FOCAD: variants seen among roughly 807,000 people sequenced by gnomAD.
FOCAD encodes the protein KIAA1797.
A neutral mutation model predicts 225.6 loss-of-function variants in FOCAD; 198 were observed. That is an observed-to-expected ratio of 0.88 (90% CI 0.78 to 0.99). The LOEUF is 0.99. Ranked by LOEUF, FOCAD falls within the 50% of genes least tolerant of loss-of-function variation. The pLI, the probability that FOCAD is intolerant of heterozygous loss-of-function variation, is 0.00. For missense variants in FOCAD, 2,713 were observed against 2,123.6 expected (o/e 1.28, Z -5.46); for synonymous variants, 897 against 755.0 (o/e 1.19, Z -3.08).
Position 20,712,528 on chromosome 9 carries a change from G to C in FOCAD, c.-32-2794G>C, listed in dbSNP as rs141102156. On this transcript the variant is annotated intron_variant, in intron 1 of 43. Transcript: ENST00000338382. ...ACAAAAATTAGCTGAGCCCAGTGGTGGTGGGTGCCTGTAATCCCAGCTACT... is the reference window on the plus strand; with the variant it reads ...ACAAAAATTAGCTGAGCCCAGTGGTCGTGGGTGCCTGTAATCCCAGCTACT... 1.2e-3 allele frequency among the ~76,000 whole-genome samples: 186 copies of C among 151,748 alleles called. 2 individuals are homozygous for C. The East Asian group carries it at 0.029, about 23-fold the overall frequency.
chr9:20,767,879 T>A (rs1328642029), intron 7 of FOCAD, among the ~76,000 whole-genome samples: 1 of 151,962 alleles, frequency 6.6e-6, no homozygotes, highest in East Asian at 1.9e-4. Context: ...CTGTTGGTGT[T>A]TTGGACATGA....
chr9:20,814,936 C>G (rs1398801226), intron 11 of FOCAD, among the ~76,000 whole-genome samples: 3 of 151,908 alleles, frequency 2.0e-5, no homozygotes, highest in Non-Finnish European at 4.4e-5. Context: ...ACCACTGTTA[C>G]AATATTATAG....
intron 23 of FOCAD, among the ~76,000 whole-genome samples, chr9:20,914,140 A>T (rs1833679796): frequency 6.6e-6 from 1 of 152,104 alleles, no homozygotes; most frequent in Non-Finnish European, 1.5e-5. Context: ...TGCAGTAACT[A>T]ATAAGCTACC....
intron 35 of FOCAD, among the ~76,000 whole-genome samples, chr9:20,967,755 T>G (rs1839395342): frequency 6.6e-6 from 1 of 152,164 alleles, no homozygotes. Context: ...TCCTTTGTAT[T>G]ATTAATGTTA....
At chr9:20,752,138 G>C (rs1216744977) in intron 5 of FOCAD, among the ~76,000 whole-genome samples, 1 of 149,824 alleles carries the variant, frequency 6.7e-6, no homozygotes, top group Non-Finnish European at 1.5e-5. Context: ...AGTTTCTTTT[G>C]CTGTGCAGAA....
Position 20,764,883 on chromosome 9 carries a change from G to A in FOCAD, c.509G>A (p.Cys170Tyr), listed in dbSNP as rs773233345. ...ATGTCTTATAGGTTAGAAGTTTCAT[G>A]CATTCAAATAATGGCACCATTTCTG... ...QQCPERLEVS[C>Y]IQIMAPFLWY... Residue 170 changes from cysteine (C) to tyrosine (Y), a missense_variant, in exon 7 of 44, where the codon TGC becomes TAC. By Grantham distance (194) the Cys-to-Tyr change is radical. Transcript: ENST00000338382. The A allele has an allele frequency of 3.7e-6, 6 of 1,613,704 alleles. No homozygotes were observed. Among genetic ancestry groups the A allele is most frequent in the Non-Finnish European group, 5.1e-6 (6 of 1,179,772 alleles).
At chr9:20,888,481 G>A (rs1831318663) in intron 21 of FOCAD, among the ~76,000 whole-genome samples, 1 of 151,956 alleles carries the variant, frequency 6.6e-6, no homozygotes, top group Admixed American at 6.6e-5. Context: ...TTTTCATTTT[G>A]AAGAATTTCA....
chr9:20,709,537 C>T (rs994283629), intron 1 of FOCAD, among the ~76,000 whole-genome samples: 2 of 148,360 alleles, frequency 1.3e-5, no homozygotes, highest in Admixed American at 6.7e-5. Flanking sequence ...AAGTAGGACA[C>T]GTACTACACT....
At chr9:20,881,790 T>C in intron 19 of FOCAD, 81 bp from the exon 20 acceptor site, 1 of 1,383,948 alleles carries the variant, frequency 7.2e-7, no homozygotes, top group Non-Finnish European at 1.0e-6. Context: ...CTTAGTTGTT[T>C]GTATATGAGT....
chr9:20,701,023 G>T (rs778787004), intron 1 of FOCAD, among the ~76,000 whole-genome samples: 2 of 152,184 alleles, frequency 1.3e-5, no homozygotes, highest in African/African-American at 2.4e-5. Context: ...CTGCTATATA[G>T]ATGGAAACTA....
intron 1 of FOCAD, among the ~76,000 whole-genome samples, chr9:20,701,353 A>T (rs1471398247): frequency 1.3e-5 from 2 of 152,194 alleles, no homozygotes; most frequent in Non-Finnish European, 2.9e-5. Flanking sequence ...TGTCTCATTG[A>T]GCTGTGTTTT....
At chr9:20,827,245 T>G (rs781068343) in intron 15 of FOCAD, among the ~76,000 whole-genome samples, 22 of 152,092 alleles carry the variant, frequency 1.4e-4, no homozygotes, top group Non-Finnish European at 2.4e-4. Context: ...ATGAGTCTAC[T>G]TTCTGTCTCT....
At chr9:20,935,875 C>T (rs149086007) in intron 28 of FOCAD, among the ~76,000 whole-genome samples, 13 of 152,316 alleles carry the variant, frequency 8.5e-5, no homozygotes, top group African/African-American at 3.1e-4. Context: ...TTCCCTTCCC[C>T]ATGCTAACCC....
chr9:20,702,507 T>C (rs529777627), intron 1 of FOCAD, among the ~76,000 whole-genome samples: 2 of 152,360 alleles, frequency 1.3e-5, no homozygotes, highest in South Asian at 4.1e-4. Context: ...TTCATGCTTT[T>C]GCTTCTTACA....
chr9:20,937,568 A>G (rs1050002390), intron 28 of FOCAD, among the ~76,000 whole-genome samples: 5 of 152,164 alleles, frequency 3.3e-5, no homozygotes, highest in African/African-American at 4.8e-5. Flanking sequence ...CACCTTATAC[A>G]AAAATTAATT....
chr9:20,856,648 C>A (rs917991139), intron 15 of FOCAD, among the ~76,000 whole-genome samples: 1 of 151,816 alleles, frequency 6.6e-6, no homozygotes, highest in Non-Finnish European at 1.5e-5. Flanking sequence ...GGAGGTATTA[C>A]TCAAGAAATC....
intron 21 of FOCAD, among the ~76,000 whole-genome samples, chr9:20,895,111 C>A (rs1831965218): frequency 6.6e-6 from 1 of 151,980 alleles, no homozygotes; most frequent in Admixed American, 6.6e-5. Flanking sequence ...GACTCATTCT[C>A]AAATATTAAC....
In FOCAD at chr9:20,740,410, T is replaced by C. The variant is rs1827515653; in HGVS notation, c.392+70T>C. 6 of 866,452 alleles carry C rather than the reference T, an allele frequency of 6.9e-6. No homozygotes were observed. In the Admixed American group the frequency reaches 1.3e-4, roughly 19 times the overall value. The allele number at this position is 866,452 out of a possible 1,614,324, so 53.7% of individuals were successfully genotyped here. A position where few individuals can be genotyped will look rare whatever the true frequency, so the allele number is the denominator to read the frequency against. The stretch of plus-strand genomic sequence containing the variant: ...AATGAAATTATTAACTGTGACATGA[T>C]AATCCAGTAAGAATTAGTTATTTAA... On this transcript the variant is annotated intron_variant, in intron 5 of 43. Transcript: ENST00000338382.
chr9:20,901,260 G>T (rs1330897324), intron 21 of FOCAD, among the ~76,000 whole-genome samples: 1 of 150,662 alleles, frequency 6.6e-6, no homozygotes, highest in East Asian at 2.0e-4. Context: ...TAGTGGTTCA[G>T]TATGCATATG....
Sources: gnomAD v4.1 joint callset for allele counts (sites outside exome capture counted in the v4.1 genomes callset) on GRCh38, gnomAD v4.1.1 for gene constraint, MANE v1.5 for transcripts, NCBI Gene and HGNC (gene_info 2026-07-23, HGNC 2026-07-21) for gene names.